PLEKHG4B: variants seen among roughly 807,000 people sequenced by gnomAD.
PLEKHG4B encodes pleckstrin homology and RhoGEF domain containing G4B.
A neutral mutation model predicts 121.3 loss-of-function variants in PLEKHG4B; 111 were observed. The observed-to-expected ratio is 0.92, with a 90% CI of 0.78 to 1.07. The LOEUF (loss-of-function observed/expected upper bound fraction) is 1.07. Ranked by LOEUF, PLEKHG4B falls within the 50% of genes least tolerant of loss-of-function variation. The pLI is 0.00. For synonymous variants in PLEKHG4B, 738 were observed against 725.0 expected, an observed-to-expected ratio of 1.02 and a Z score of -0.29; for missense variants, 1,831 against 1,757.8, an observed-to-expected ratio of 1.04 and a Z score of -0.74.
At chr5:145,670 C>T (rs552608020) in intron 6 of PLEKHG4B, among the ~76,000 whole-genome samples, 1 of 152,282 alleles carries the variant, frequency 6.6e-6, no homozygotes, top group African/African-American at 2.4e-5. Context: ...AGGGGCCCTG[C>T]ACTGAACCAT....
At chr5:165,097 C>G (rs1311447763) in intron 13 of PLEKHG4B, among the ~76,000 whole-genome samples, 13 of 91,840 alleles carry the variant, frequency 1.4e-4, no homozygotes, top group South Asian at 4.3e-4. Flanking sequence ...GGGGCTCACA[C>G]TAATGCTGTG....
chr5:115,842 ATGT>A (rs1487239497), intron 2 of PLEKHG4B, among the ~76,000 whole-genome samples: 12 of 152,200 alleles, frequency 7.9e-5, no homozygotes, highest in Non-Finnish European at 1.5e-5. Flanking sequence ...GCTTAAGGGA[ATGT>A]TGTATCTAGG....
At chr5:105,714 T>A (rs1733957090) in intron 1 of PLEKHG4B, among the ~76,000 whole-genome samples, 1 of 152,242 alleles carries the variant, frequency 6.6e-6, no homozygotes, top group South Asian at 2.1e-4. Flanking sequence ...AAGAATGCAT[T>A]TTTCCCTTTG....
intron 6 of PLEKHG4B, among the ~76,000 whole-genome samples, chr5:146,029 T>A (rs1735396924): frequency 6.6e-6 from 1 of 151,550 alleles, no homozygotes; most frequent in South Asian, 2.1e-4. Flanking sequence ...CTCCTTCCAC[T>A]CCCCTTCCAT....
chr5:140,461 C>A lies in PLEKHG4B; in HGVS notation c.1222C>A (p.Pro408Thr). Residue 408 changes from proline (P) to threonine (T), a missense_variant, in exon 3 of 20, where the codon CCC becomes ACC. Transcript: ENST00000637938. ...QEETSGPRGD[P>T]QQTPSLEKER... ...GGAAACCTCTGGCCCCCGGGGAGACCCCCAACAGACCCCAAGTCTAGAGAA... is the reference window on the plus strand; with the variant it reads ...GGAAACCTCTGGCCCCCGGGGAGACACCCAACAGACCCCAAGTCTAGAGAA... 6.3e-7 allele frequency: 1 copy of A among 1,587,184 alleles called. No individual in the cohort carries two copies. The highest frequency in any genetic ancestry group is 8.6e-7 in the Non-Finnish European group (1 of 1,167,284).
At chr5:108,087 C>T (rs150771793) in intron 1 of PLEKHG4B, among the ~76,000 whole-genome samples, 9 of 152,336 alleles carry the variant, frequency 5.9e-5, no homozygotes, top group African/African-American at 1.7e-4. Context: ...CTCCAGTGGG[C>T]TTCCCTTGTG....
Position 169,558 on chromosome 5 carries a change from G to T in PLEKHG4B, c.3695G>T (p.Cys1232Phe). Residue 1232 changes from cysteine to phenylalanine, a missense_variant, in exon 14 of 20, where the codon TGC (cysteine) becomes TTC (phenylalanine). Cys to Phe is a radical substitution (Grantham distance 205). Coordinates refer to ENST00000637938, the MANE Select transcript of PLEKHG4B (RefSeq NM_052909.5). ...FLRELERCQH[C>F]PLAVGRSFLR... Reference sequence around the variant, plus strand: ...CGGGAGCTGGAGCGCTGCCAGCACTGCCCCTTGGCCGTGGGCCGCAGTTTC... The same window carrying T: ...CGGGAGCTGGAGCGCTGCCAGCACTTCCCCTTGGCCGTGGGCCGCAGTTTC... 1 of 1,613,742 alleles carries T rather than the reference G, an allele frequency of 6.2e-7. No individual in the cohort carries two copies. Among genetic ancestry groups the T allele is most frequent in the Non-Finnish European group, 8.5e-7 (1 of 1,180,046 alleles).
chr5:166,886 T>C (rs1736371630), intron 13 of PLEKHG4B, among the ~76,000 whole-genome samples: 1 of 152,210 alleles, frequency 6.6e-6, no homozygotes, highest in South Asian at 2.1e-4. Flanking sequence ...TTTTTACCAT[T>C]GGTGTGAGTG....
chr5:173,139 A>C, intron 17 of PLEKHG4B, 72 bp downstream of exon 17: 5 of 1,475,790 alleles, frequency 3.4e-6, no homozygotes, highest in Non-Finnish European at 4.7e-6. Flanking sequence ...CCCTTGTCTC[A>C]CCTAAGGCCA....
rs754997615 is a variant in PLEKHG4B, at chr5:95,091, G to A, written c.45+2815G>A. 9.3e-4 allele frequency among the ~76,000 whole-genome samples: 142 copies of A among 152,302 alleles called. 1 individual carries two copies. The highest frequency in any genetic ancestry group is 1.5e-3 in the South Asian group (7 of 4,824). On this transcript the variant is annotated intron_variant, in intron 1 of 19. Coordinates refer to ENST00000637938, the MANE Select transcript of PLEKHG4B (RefSeq NM_052909.5). ...TCACACCTGGGCCCAGGTTCTCAAA[G>A]ACAAAGCTTTTGAATTCTTTTTGAT...
At chr5:129,945 G>C (rs1292510362) in intron 2 of PLEKHG4B, among the ~76,000 whole-genome samples, 1 of 152,108 alleles carries the variant, frequency 6.6e-6, no homozygotes, top group Non-Finnish European at 1.5e-5. Flanking sequence ...AAGAGGACAG[G>C]CTTCACCCAG....
At chr5:94,970 A>G (rs1733589126) in intron 1 of PLEKHG4B, among the ~76,000 whole-genome samples, 1 of 152,184 alleles carries the variant, frequency 6.6e-6, no homozygotes, top group African/African-American at 2.4e-5. Flanking sequence ...ACACAGTTGC[A>G]TTCTTCACTT....
chr5:181,463 G>T (rs1341595823), intron 18 of PLEKHG4B, 51 bp from the exon 19 acceptor site: 1 of 1,576,496 alleles, frequency 6.3e-7, no homozygotes, highest in Non-Finnish European at 8.7e-7. Context: ...CTTTGGGGTG[G>T]CATTAGCCCC....
Position 174,024 on chromosome 5 carries a change from G to A in PLEKHG4B, c.4328G>A (p.Ser1443Asn). The change falls in exon 18 of 20, where the codon AGC becomes AAC. Residue 1443 changes from serine (S) to asparagine (N), a missense_variant. Physicochemically the swap from Ser to Asn is conservative, Grantham distance 46. Coordinates refer to ENST00000637938, the MANE Select transcript of PLEKHG4B (RefSeq NM_052909.5). ...KSQDTYILQA[S>N]SAEVKSAWTD... ...CAGGACACCTACATTCTCCAAGCAA[G>A]CTCGGCAGAGGTCAAGAGTGCATGG... 2 of 1,607,664 alleles carry A rather than the reference G, an allele frequency of 1.2e-6. No homozygotes were observed. Among genetic ancestry groups the A allele is most frequent in the Non-Finnish European group, 1.7e-6 (2 of 1,177,528 alleles).
At chr5:97,080 C>T (rs1263238831) in intron 1 of PLEKHG4B, among the ~76,000 whole-genome samples, 1 of 152,160 alleles carries the variant, frequency 6.6e-6, no homozygotes, top group Non-Finnish European at 1.5e-5. Flanking sequence ...ATTCAGGCTC[C>T]AGATGATTTT....
At chr5:169,743 G>A (rs761945056) in intron 14 of PLEKHG4B, 151 bp downstream of exon 14, 77 of 1,206,504 alleles carry the variant, frequency 6.4e-5, no homozygotes, top group Admixed American at 2.9e-4. Flanking sequence ...AAGACCAGCC[G>A]AAAAACAGAT....
intron 2 of PLEKHG4B, among the ~76,000 whole-genome samples, chr5:114,130 CTCTT>C (rs1298261166): frequency 6.6e-6 from 1 of 152,150 alleles, no homozygotes; most frequent in African/African-American, 2.4e-5. Flanking sequence ...GAGTCATAAT[CTCTT>C]TATTGGTGGA....
intron 2 of PLEKHG4B, among the ~76,000 whole-genome samples, chr5:138,543 G>A (rs986940189): frequency 3.9e-5 from 6 of 152,214 alleles, no homozygotes; most frequent in Non-Finnish European, 8.8e-5. Context: ...AGTTTTTAGC[G>A]CATTTTTATT....
chr5:110,664 C>T (rs765250096), intron 1 of PLEKHG4B, among the ~76,000 whole-genome samples: 9 of 151,726 alleles, frequency 5.9e-5, no homozygotes, highest in African/African-American at 1.2e-4. Flanking sequence ...CTGCAACACA[C>T]GTGCACGCAC....
Sources: allele counts gnomAD v4.1 joint callset (sites outside exome capture counted in the v4.1 genomes callset), GRCh38; gene constraint gnomAD v4.1.1; transcripts MANE v1.5; gene names NCBI Gene and HGNC (gene_info 2026-07-23, HGNC 2026-07-21).